The following BRAF variants were observed in gnomAD, a reference collection of about 807,000 sequenced individuals.
BRAF encodes the protein B-Raf proto-oncogene, serine/threonine kinase.
Under a neutral mutation model 104.6 loss-of-function variants are expected in BRAF, and 16 were observed. The observed-to-expected ratio is 0.15, with a 90% CI of 0.10 to 0.23. BRAF has a LOEUF of 0.23. Among genes scored for constraint, BRAF ranks in the 10% least tolerant of loss-of-function variants. The pLI, the probability that BRAF is intolerant of heterozygous loss-of-function variation, is 1.00. For missense variants in BRAF, 541 were observed against 937.3 expected (o/e 0.58, Z 5.52); for synonymous variants, 310 against 341.6 (o/e 0.91, Z 1.02).
intron 1 of BRAF, among the ~76,000 whole-genome samples, chr7:140,916,882 C>G (rs1817688759): frequency 6.6e-6 from 1 of 152,114 alleles, no homozygotes; most frequent in Non-Finnish European, 1.5e-5. Context: ...CTGGACCTAC[C>G]TGATTTTAAA....
intron 14 of BRAF, among the ~76,000 whole-genome samples, chr7:140,768,109 A>G (rs1799502815): frequency 6.6e-6 from 1 of 152,244 alleles, no homozygotes; most frequent in South Asian, 2.1e-4. Flanking sequence ...TGTGTATAGT[A>G]TTAAAACACA....
intron 2 of BRAF, among the ~76,000 whole-genome samples, chr7:140,844,513 A>G (rs891000968): frequency 6.6e-6 from 1 of 152,224 alleles, no homozygotes; most frequent in Non-Finnish European, 1.5e-5. Context: ...CTGTCCACTC[A>G]TATTTCAGAG....
At chr7:140,923,409 T>C (rs1218068485) in intron 1 of BRAF, among the ~76,000 whole-genome samples, 1 of 152,172 alleles carries the variant, frequency 6.6e-6, no homozygotes. Flanking sequence ...TAATAAATTT[T>C]ATGTAATAAA....
rs545653313 is a variant in BRAF, at chr7:140,853,179, C to T, written c.139-2967G>A. ...ATCTCAGCACTTTGGGAGGCTGAGA[C>T]GGGAGGATCGCAACATAGTAGGACC... On this transcript the variant is annotated intron_variant, in intron 1 of 19. Transcript: ENST00000644969. Among the ~76,000 whole-genome samples the T allele has an allele frequency of 3.3e-3, 489 of 148,760 alleles. 3 individuals are homozygous for T. Among genetic ancestry groups the T allele is most frequent in the African/African-American group, 0.011 (460 of 40,058 alleles).
chr7:140,917,017 A>C (rs1191988823), intron 1 of BRAF, among the ~76,000 whole-genome samples: 1 of 152,258 alleles, frequency 6.6e-6, no homozygotes, highest in Non-Finnish European at 1.5e-5. Flanking sequence ...AAAAGTGCCA[A>C]GGTGATTCAA....
chr7:140,827,296 G>A (rs1806163550), intron 3 of BRAF, among the ~76,000 whole-genome samples: 1 of 152,128 alleles, frequency 6.6e-6, no homozygotes, highest in Non-Finnish European at 1.5e-5. Flanking sequence ...TTATTTCTGT[G>A]AATTCTATGA....
chr7:140,923,365 G>A (rs1009877025), intron 1 of BRAF, among the ~76,000 whole-genome samples: 12 of 152,052 alleles, frequency 7.9e-5, no homozygotes, highest in Non-Finnish European at 1.8e-4. Context: ...GCATAATAAA[G>A]TATTATTTTC....
chr7:140,719,331 G>C (rs1332034894), downstream of BRAF: 7 of 971,768 alleles, frequency 7.2e-6, no homozygotes, highest in African/African-American at 1.0e-4. Context: ...TCTTGATGAA[G>C]ACTTCTCCAT....
chr7:140,716,009 T>C (rs1449810264), downstream of BRAF, among the ~76,000 whole-genome samples: 1 of 152,240 alleles, frequency 6.6e-6, no homozygotes, highest in Non-Finnish European at 1.5e-5. Flanking sequence ...TCAGCCTTTT[T>C]GATCACAGTT....
At chr7:140,809,052 T>C in intron 3 of BRAF, 57 bp from the exon 4 acceptor site, 1 of 1,416,068 alleles carries the variant, frequency 7.1e-7, no homozygotes, top group Non-Finnish European at 9.9e-7. Flanking sequence ...CATTTTTTCA[T>C]ATCATTAAAA....
intron 1 of BRAF, among the ~76,000 whole-genome samples, chr7:140,904,614 T>C (rs1220618924): frequency 6.6e-6 from 1 of 152,164 alleles, no homozygotes; most frequent in Non-Finnish European, 1.5e-5. Flanking sequence ...CTTTGATGCA[T>C]GGATTATTAT....
At chr7:140,751,534 A>C (rs143861586) in intron 16 of BRAF, among the ~76,000 whole-genome samples, 1 of 152,268 alleles carries the variant, frequency 6.6e-6, no homozygotes, top group African/African-American at 2.4e-5. Flanking sequence ...AAATCTAGCT[A>C]ACTCCAGTCA....
At chr7:140,833,799 T>A (rs559611711) in intron 3 of BRAF, among the ~76,000 whole-genome samples, 1 of 152,212 alleles carries the variant, frequency 6.6e-6, no homozygotes, top group African/African-American at 2.4e-5. Flanking sequence ...AACTCGTAAC[T>A]CCATTAGTTT....
At chr7:140,751,161 AC>A (rs1228131224) in intron 16 of BRAF, among the ~76,000 whole-genome samples, 2 of 152,226 alleles carry the variant, frequency 1.3e-5, no homozygotes, top group Admixed American at 6.5e-5. Context: ...ACCCATTTAC[AC>A]AGGTATCAAC....
chr7:140,861,560 C>G (rs920447320), intron 1 of BRAF, among the ~76,000 whole-genome samples: 4 of 152,104 alleles, frequency 2.6e-5, no homozygotes, highest in Non-Finnish European at 1.5e-5. Context: ...TCAGGGTTCA[C>G]AAAAACATGC....
At chr7:140,907,469 G>T (rs915804937) in intron 1 of BRAF, among the ~76,000 whole-genome samples, 1 of 152,120 alleles carries the variant, frequency 6.6e-6, no homozygotes, top group Non-Finnish European at 1.5e-5. Flanking sequence ...CACTGTGTTA[G>T]CCAGGATGGT....
intron 1 of BRAF, among the ~76,000 whole-genome samples, chr7:140,859,757 G>A (rs1277961519): frequency 6.8e-6 from 1 of 147,092 alleles, no homozygotes; most frequent in African/African-American, 2.5e-5. Flanking sequence ...GCATGATCTC[G>A]GCTCACTGCA....
At position 140,719,786 on chromosome 7, in the gene BRAF, C is replaced by T; in HGVS notation, c.*6708G>A. ...AAGCAGGTATAGAGAGGTCTGTGGA[C>T]AATTAAAAAGTCCCCATCTTTTCAC... On this transcript the variant is annotated 3_prime_UTR_variant, in exon 20 of 20. Coordinates refer to ENST00000644969, the MANE Select transcript of BRAF (RefSeq NM_001374258.1). 9.4e-7 allele frequency: 1 copy of T among 1,062,654 alleles called. No homozygotes were observed. Among genetic ancestry groups the T allele is most frequent in the Non-Finnish European group, 1.1e-6 (1 of 877,678 alleles). The allele number at this position is 1,062,654 out of a possible 1,614,324, so 65.8% of individuals were successfully genotyped here.
At chr7:140,911,153 T>C (rs1816929577) in intron 1 of BRAF, among the ~76,000 whole-genome samples, 4 of 152,190 alleles carry the variant, frequency 2.6e-5, no homozygotes, top group Admixed American at 2.6e-4. Flanking sequence ...TAGACAGTAT[T>C]ATTGTTAAGC....
Sources: allele counts gnomAD v4.1 joint callset (sites outside exome capture counted in the v4.1 genomes callset), GRCh38; gene constraint gnomAD v4.1.1; transcripts MANE v1.5; gene names NCBI Gene and HGNC (gene_info 2026-07-23, HGNC 2026-07-21).